Variants in ASAP1 observed in about 807,000 individuals in gnomAD.
ASAP1 encodes ArfGAP with SH3 domain, ankyrin repeat and PH domain 1.
A neutral mutation model predicts 145.2 loss-of-function variants in ASAP1; 43 were observed. That is an observed-to-expected ratio of 0.30 (90% confidence interval 0.23 to 0.38). ASAP1 has a LOEUF of 0.38. ASAP1 is among the 10% of genes least tolerant of loss of function. The probability of loss-of-function intolerance (pLI) is 1.00; values close to 1 mark genes in which losing one functional copy is unlikely to be tolerated. For missense variants in ASAP1, 1,018 were observed against 1,355.3 expected (o/e 0.75, Z 3.91); for synonymous variants, 546 against 515.5 (o/e 1.06, Z -0.80).
At chr8:130,300,470 C>T (rs1338746511) in intron 3 of ASAP1, among the ~76,000 whole-genome samples, 1 of 152,150 alleles carries the variant, frequency 6.6e-6, no homozygotes, top group Non-Finnish European at 1.5e-5. Context: ...TCAGTTCTAG[C>T]AGCACACTGG....
Position 130,126,031 on chromosome 8 carries a change from G to A in ASAP1, c.1440C>T (p.Ile480=), listed in dbSNP as rs938590079. The change falls in exon 17 of 30, where the codon ATC becomes ATT. Residue 480 remains isoleucine (I), a synonymous_variant. Transcript: ENST00000518721. ...GILTCIECSG[I]HREMGVHISR... is the part of the protein sequence containing the mutation. ...AAATATGAACCCCCATTTCCCTATG[G>A]ATGCCAGAACATTCTATACAGGTCA... 1.5e-5 allele frequency: 25 copies of A among 1,613,880 alleles called. No individual in the cohort carries two copies. The African/African-American group carries it at 2.5e-4, about 16-fold the overall frequency.
At chr8:130,296,097 T>C (rs2137358739) in intron 3 of ASAP1, among the ~76,000 whole-genome samples, 1 of 152,312 alleles carries the variant, frequency 6.6e-6, no homozygotes, top group Non-Finnish European at 1.5e-5. Flanking sequence ...AGCTGCATAG[T>C]GACCTTTAAC....
At chr8:130,243,211 T>A (rs918831398) in intron 3 of ASAP1, among the ~76,000 whole-genome samples, 3 of 152,152 alleles carry the variant, frequency 2.0e-5, no homozygotes, top group African/African-American at 7.2e-5. Flanking sequence ...ATAAAGTAAG[T>A]TGTTCATAAA....
chr8:130,418,942 G>A (rs886949982), intron 1 of ASAP1, among the ~76,000 whole-genome samples: 1 of 152,052 alleles, frequency 6.6e-6, no homozygotes, highest in Non-Finnish European at 1.5e-5. Context: ...CAGCGACATG[G>A]GCCACAGGAA....
chr8:130,256,750 T>TATATATCC, intron 3 of ASAP1, among the ~76,000 whole-genome samples: 1 of 38,316 alleles, frequency 2.6e-5, no homozygotes, highest in Non-Finnish European at 5.4e-5. Context: ...TATATATATA[T>TATATATCC]ATATATATAT....
intron 2 of ASAP1, among the ~76,000 whole-genome samples, chr8:130,392,531 T>C (rs1215997300): frequency 6.6e-6 from 1 of 152,254 alleles, no homozygotes; most frequent in Non-Finnish European, 1.5e-5. Flanking sequence ...CCCATTTAAT[T>C]CTCAAAACAA....
intron 1 of ASAP1, among the ~76,000 whole-genome samples, chr8:130,418,873 T>A (rs1242467251): frequency 6.6e-6 from 1 of 152,094 alleles, no homozygotes; most frequent in South Asian, 2.1e-4. Flanking sequence ...GTGGCTCTGA[T>A]GGAGTGAAGT....
chr8:130,422,992 T>C (rs564772960), intron 1 of ASAP1, among the ~76,000 whole-genome samples: 8 of 152,370 alleles, frequency 5.3e-5, no homozygotes, highest in Middle Eastern at 3.4e-3. Flanking sequence ...GAGGTCACAG[T>C]TGACGGCAAA....
chr8:130,109,152 A>G (rs1319244365), intron 24 of ASAP1, among the ~76,000 whole-genome samples: 1 of 152,022 alleles, frequency 6.6e-6, no homozygotes, highest in African/African-American at 2.4e-5. Flanking sequence ...ACGAGAAACT[A>G]CCACACACAA....
intron 27 of ASAP1, among the ~76,000 whole-genome samples, chr8:130,070,906 A>G (rs1592732369): frequency 5.5e-5 from 1 of 18,170 alleles, no homozygotes; most frequent in South Asian, 3.8e-3. Flanking sequence ...AGAGGGAGGG[A>G]GAGAGAGGGG....
At chr8:130,368,862 A>C (rs1483406808) in intron 2 of ASAP1, among the ~76,000 whole-genome samples, 1 of 152,158 alleles carries the variant, frequency 6.6e-6, no homozygotes, top group Non-Finnish European at 1.5e-5. Context: ...TGGACTTCCT[A>C]GTAATGTGAG....
chr8:130,322,099 G>T (rs1424692297), intron 3 of ASAP1, among the ~76,000 whole-genome samples: 1 of 152,098 alleles, frequency 6.6e-6, no homozygotes, highest in East Asian at 1.9e-4. Context: ...GAGATTTTTT[G>T]TTAAGAAAAA....
At chr8:130,119,278 G>C (rs990334179) in intron 18 of ASAP1, among the ~76,000 whole-genome samples, 5 of 152,106 alleles carry the variant, frequency 3.3e-5, no homozygotes, top group African/African-American at 1.2e-4. Flanking sequence ...AGGAAACTAA[G>C]GCTCAGAAAG....
Position 130,076,674 on chromosome 8 carries a change from C to T in ASAP1, c.2643-268G>A, listed in dbSNP as rs191345160. On this transcript the variant is annotated intron_variant, in intron 26 of 29. Transcript: ENST00000518721. ...TAGCTGGGATTACAGGTGCCCACCA[C>T]CACACCCGGCTAATTTTTGTATTTT... is the stretch of plus-strand genomic sequence containing the variant. 7.2e-5 allele frequency among the ~76,000 whole-genome samples: 11 copies of T among 152,172 alleles called. No individual in the cohort carries two copies. The East Asian group carries it at 1.7e-3, about 24-fold the overall frequency.
chr8:130,057,594 G>A (rs958826451), intron 29 of ASAP1, among the ~76,000 whole-genome samples: 2 of 152,082 alleles, frequency 1.3e-5, no homozygotes, highest in African/African-American at 4.8e-5. Flanking sequence ...GACTACAGGT[G>A]CGTGCCACCA....
intron 3 of ASAP1, among the ~76,000 whole-genome samples, chr8:130,278,249 G>C (rs1433545350): frequency 6.6e-6 from 1 of 152,054 alleles, no homozygotes; most frequent in East Asian, 1.9e-4. Context: ...GCATTTCAAG[G>C]TATTGAGTCC....
chr8:130,235,934 C>T (rs1818187625), intron 4 of ASAP1, among the ~76,000 whole-genome samples: 1 of 151,904 alleles, frequency 6.6e-6, no homozygotes, highest in South Asian at 2.1e-4. Flanking sequence ...CCTGGCAGAC[C>T]CTTTACAGAT....
chr8:130,063,239 C>T lies in ASAP1; in HGVS notation c.2702-2170G>A, dbSNP rs535748144. Among the ~76,000 whole-genome samples the T allele has an allele frequency of 4.3e-4, 65 of 152,186 alleles. 1 individual carries two copies. Among genetic ancestry groups the T allele is most frequent in the Non-Finnish European group, 4.3e-4 (29 of 68,010 alleles). On this transcript the variant is annotated intron_variant, in intron 27 of 29. Transcript: ENST00000518721. ...TTACTGAGGCTGGAGTGCAGTGGTG[C>T]AATCAGGGCTCACTGCAACCTTGAC...
intron 17 of ASAP1, among the ~76,000 whole-genome samples, chr8:130,124,958 A>T (rs758713468): frequency 3.9e-5 from 6 of 152,208 alleles, no homozygotes; most frequent in Non-Finnish European, 8.8e-5. Flanking sequence ...AACTTCCTAC[A>T]TTCTAAATTA....
Sources: gnomAD v4.1 joint callset for allele counts (sites outside exome capture counted in the v4.1 genomes callset) on GRCh38, gnomAD v4.1.1 for gene constraint, MANE v1.5 for transcripts, NCBI Gene and HGNC (gene_info 2026-07-23, HGNC 2026-07-21) for gene names.